The following SLC22A15 variants were observed in gnomAD, a reference collection of about 807,000 sequenced individuals.
SLC22A15 encodes the protein solute carrier family 22 member 15, also known as flipt 1.
Under a neutral mutation model 62.7 loss-of-function variants are expected in SLC22A15, and 45 were observed. The ratio of observed to expected loss-of-function variants is 0.72; its 90% confidence interval spans 0.56 to 0.92. The LOEUF (loss-of-function observed/expected upper bound fraction) is 0.92. SLC22A15 is among the 40% of genes least tolerant of loss of function. SLC22A15 has a pLI of 0.00. For missense variants in SLC22A15, 622 were observed against 665.6 expected, an observed-to-expected ratio of 0.93 and a Z score of 0.72; for synonymous variants, 264 against 267.0, an observed-to-expected ratio of 0.99 and a Z score of 0.11.
At chr1:115,998,075 T>G (rs1655513100) in intron 2 of SLC22A15, among the ~76,000 whole-genome samples, 1 of 152,328 alleles carries the variant, frequency 6.6e-6, no homozygotes, top group East Asian at 1.9e-4. Context: ...TCTGTTGATA[T>G]GATGTATCAC....
chr1:115,978,178 C>A (rs1270178203), intron 1 of SLC22A15, among the ~76,000 whole-genome samples: 1 of 152,132 alleles, frequency 6.6e-6, no homozygotes, highest in Non-Finnish European at 1.5e-5. Context: ...TACATCCTTT[C>A]TTGAACAATC....
chr1:116,064,363 CGCT>C (rs1658448216), intron 9 of SLC22A15, 70 bp from the exon 10 acceptor site: 1 of 1,097,742 alleles, frequency 9.1e-7, no homozygotes, highest in African/African-American at 1.5e-5. Context: ...ATTCAAGGCC[CGCT>C]GCTGCCCCCC....
intron 4 of SLC22A15, 126 bp downstream of exon 4, chr1:116,021,011 T>C (rs1656808260): frequency 1.2e-6 from 1 of 859,562 alleles, no homozygotes; most frequent in African/African-American, 1.7e-5. Flanking sequence ...CTATTAGATT[T>C]GCTTTTCTGA....
At chr1:116,027,782 C>T (rs753649006) in intron 5 of SLC22A15, among the ~76,000 whole-genome samples, 34 of 152,222 alleles carry the variant, frequency 2.2e-4, no homozygotes, top group African/African-American at 5.5e-4. Flanking sequence ...TGCGCCACCA[C>T]GCCCGACTGA....
At chr1:116,055,325 T>G (rs1215320421) in intron 8 of SLC22A15, among the ~76,000 whole-genome samples, 11 of 152,170 alleles carry the variant, frequency 7.2e-5, no homozygotes, top group East Asian at 1.9e-4. Context: ...TAAATTCCTC[T>G]ACACATACAC....
At position 116,022,802 on chromosome 1, in the gene SLC22A15, G is replaced by A. The variant is rs192765879; in HGVS notation, c.598+1917G>A. Among the ~76,000 whole-genome samples, 401 of 152,280 alleles carry A rather than the reference G, an allele frequency of 2.6e-3. 1 individual carries two copies. Among genetic ancestry groups the A allele is most frequent in the Non-Finnish European group, 4.2e-3 (286 of 68,018 alleles). ...AAAACTGTAACAGTGAAACCACATGGTTGCCAAATTCAATGTGAAATTGAG... is the reference window on the plus strand; with the variant it reads ...AAAACTGTAACAGTGAAACCACATGATTGCCAAATTCAATGTGAAATTGAG... On this transcript the variant is annotated intron_variant, in intron 4 of 11. Coordinates refer to ENST00000369503, the MANE Select transcript of SLC22A15 (RefSeq NM_018420.3).
chr1:116,054,694 A>G (rs750632903), intron 8 of SLC22A15, among the ~76,000 whole-genome samples: 35 of 152,258 alleles, frequency 2.3e-4, no homozygotes, highest in Non-Finnish European at 3.8e-4. Context: ...AACAGAAATT[A>G]TAACAAACTG....
chr1:116,000,571 T>A (rs1655670165), intron 2 of SLC22A15, among the ~76,000 whole-genome samples: 1 of 151,998 alleles, frequency 6.6e-6, no homozygotes, highest in Non-Finnish European at 1.5e-5. Context: ...TATTTGTCTG[T>A]GTACTTAACT....
chr1:116,002,462 CT>C, intron 2 of SLC22A15, among the ~76,000 whole-genome samples: 1 of 152,096 alleles, frequency 6.6e-6, no homozygotes, highest in Non-Finnish European at 1.5e-5. Flanking sequence ...CAGGGTGGGT[CT>C]GGAAATGCCA....
chr1:116,003,455 C>T (rs1655831924), intron 2 of SLC22A15, among the ~76,000 whole-genome samples: 1 of 152,188 alleles, frequency 6.6e-6, no homozygotes, highest in Non-Finnish European at 1.5e-5. Flanking sequence ...GACCCTAGAG[C>T]TCTTTAGCTT....
chr1:116,030,957 C>A (rs1324260554), intron 5 of SLC22A15, among the ~76,000 whole-genome samples: 1 of 151,906 alleles, frequency 6.6e-6, no homozygotes, highest in Non-Finnish European at 1.5e-5. Context: ...AACCCATTGT[C>A]TCTACAGTAT....
chr1:116,015,139 T>C (rs1310365022), intron 2 of SLC22A15: 2 of 152,216 alleles, frequency 1.3e-5, no homozygotes, highest in Non-Finnish European at 2.9e-5. Flanking sequence ...AGATGAAGGA[T>C]GCAGAGGGCT....
chr1:116,057,826 A>T (rs999719453), intron 8 of SLC22A15, among the ~76,000 whole-genome samples: 1 of 152,074 alleles, frequency 6.6e-6, no homozygotes, highest in Non-Finnish European at 1.5e-5. Flanking sequence ...CAAACACCAC[A>T]TGTCCTCACT....
chr1:116,035,211 T>C lies in SLC22A15; in HGVS notation c.969T>C (p.Tyr323=), dbSNP rs1178754285. The C allele has an allele frequency of 3.1e-6, 5 of 1,612,908 alleles. No individual in the cohort carries two copies. In the Admixed American group the frequency reaches 8.4e-5, roughly 27 times the overall value. The stretch of plus-strand genomic sequence containing the variant: ...GGTTTGTGTGCAGCTTGGTGTATTA[T>C]GGCCTAACTCTGAGTGCGGGTGATC... The part of the protein sequence containing the change: ...FIWFVCSLVY[Y]GLTLSAGDLG... The change falls in exon 7 of 12, where the codon TAT becomes TAC. Residue 323 remains tyrosine (Y), a synonymous_variant. Transcript: ENST00000369503.
At chr1:116,064,225 T>C (rs1658445023) in intron 9 of SLC22A15, among the ~76,000 whole-genome samples, 1 of 151,966 alleles carries the variant, frequency 6.6e-6, no homozygotes, top group Admixed American at 6.6e-5. Context: ...TCAGTAGTGC[T>C]TGTGTCTAGT....
chr1:116,035,414 G>A (rs930071931), intron 7 of SLC22A15, 87 bp downstream of exon 7: 18 of 1,186,384 alleles, frequency 1.5e-5, no homozygotes, highest in Non-Finnish European at 1.9e-5. Context: ...TATCTATATG[G>A]TGTTGTCTTT....
chr1:116,048,094 C>T (rs1657971934), intron 8 of SLC22A15, among the ~76,000 whole-genome samples: 1 of 152,038 alleles, frequency 6.6e-6, no homozygotes, highest in Non-Finnish European at 1.5e-5. Context: ...TGTTAAATGA[C>T]CAAACCAAAG....
chr1:116,002,044 T>C (rs1055861611), intron 2 of SLC22A15, among the ~76,000 whole-genome samples: 16 of 152,234 alleles, frequency 1.1e-4, no homozygotes, highest in Non-Finnish European at 1.5e-4. Context: ...ACTGCAGCCA[T>C]AAGTGCATGA....
Position 116,020,849 on chromosome 1 carries a change from A to G in SLC22A15, c.562A>G (p.Asn188Asp). 1 of 1,613,380 alleles carries G rather than the reference A, an allele frequency of 6.2e-7. No homozygotes were observed. The highest frequency in any genetic ancestry group is 8.5e-7 in the Non-Finnish European group (1 of 1,179,560). The stretch of plus-strand genomic sequence containing the variant: ...GTCGCTGGTGGCCTTTGTCTTGCTT[A>G]ATGAATGTGTGGGCACCGCCTACTG... Reference protein sequence around the residue: ...GMSLVAFVLLNECVGTAYWAL... With the variant: ...GMSLVAFVLLDECVGTAYWAL... The change falls in exon 4 of 12, where the codon AAT (asparagine) becomes GAT (aspartate). Residue 188 changes from asparagine to aspartate, a missense_variant. Coordinates refer to ENST00000369503, the MANE Select transcript of SLC22A15 (RefSeq NM_018420.3).
Sources: gnomAD v4.1 joint callset for allele counts (sites outside exome capture counted in the v4.1 genomes callset) on GRCh38, gnomAD v4.1.1 for gene constraint, MANE v1.5 for transcripts, NCBI Gene and HGNC (gene_info 2026-07-23, HGNC 2026-07-21) for gene names.